Variants in LRRC52 observed in about 807,000 individuals in gnomAD.
The protein encoded by LRRC52 is leucine-rich repeat-containing protein 52.
A neutral mutation model predicts 14.7 loss-of-function variants in LRRC52; 15 were observed. The ratio of observed to expected loss-of-function variants is 1.02; its 90% CI spans 0.68 to 1.58. The LOEUF (loss-of-function observed/expected upper bound fraction) is 1.58, where lower values mean the gene tolerates loss of function less well. Ranked by LOEUF, LRRC52 falls within the 40% of genes most tolerant of loss-of-function variation. The probability of loss-of-function intolerance (pLI) is 0.00; values close to 1 mark genes in which losing one functional copy is unlikely to be tolerated. For synonymous variants in LRRC52, 180 were observed against 163.9 expected, an observed-to-expected ratio of 1.10 and a Z score of -0.75; for missense variants, 400 against 387.7, an observed-to-expected ratio of 1.03 and a Z score of -0.27.
At chr1:165,545,949 G>A (rs959055309) in intron 1 of LRRC52, among the ~76,000 whole-genome samples, 7 of 152,156 alleles carry the variant, frequency 4.6e-5, no homozygotes, top group East Asian at 3.9e-4. Context: ...CTTTGAAAAC[G>A]TTTTCATAGA....
At chr1:165,545,112 G>T (rs998035448) in intron 1 of LRRC52, among the ~76,000 whole-genome samples, 194 bp downstream of exon 1, 4 of 152,258 alleles carry the variant, frequency 2.6e-5, no homozygotes, top group Non-Finnish European at 5.9e-5. Flanking sequence ...AATTCAAAGA[G>T]CTGAGTTCTG....
chr1:165,551,302 T>C (rs1571107313), intron 1 of LRRC52, among the ~76,000 whole-genome samples: 1 of 152,316 alleles, frequency 6.6e-6, no homozygotes, highest in East Asian at 1.9e-4. Context: ...TCCTATGCCC[T>C]GAGGTTCTGA....
At chr1:165,552,905 G>A (rs1168503468) in intron 1 of LRRC52, among the ~76,000 whole-genome samples, 1 of 152,176 alleles carries the variant, frequency 6.6e-6, no homozygotes, top group Non-Finnish European at 1.5e-5. Context: ...CTTGGACAGT[G>A]TGGGGGCTTT....
rs371463743 is a variant in LRRC52 at position 165,551,907 on chromosome 1, C to T, written c.622+6989C>T. ...TTTCCGGAATGAATTCAGGTCCTCACGTTATTCCACTATCAATGCTTACCC... is the reference window on the plus strand; with the variant it reads ...TTTCCGGAATGAATTCAGGTCCTCATGTTATTCCACTATCAATGCTTACCC... On this transcript the variant is annotated intron_variant, in intron 1 of 1. Coordinates refer to ENST00000294818, the MANE Select transcript of LRRC52 (RefSeq NM_001005214.4). Among the ~76,000 whole-genome samples, 15 of 151,046 alleles carry T rather than the reference C, an allele frequency of 9.9e-5. No homozygotes were observed. In the East Asian group the frequency reaches 2.0e-3, roughly 20 times the overall value.
chr1:165,544,737 C>A lies in LRRC52; in HGVS notation c.441C>A (p.Ala147=), dbSNP rs1173936692. 2 of 1,614,014 alleles carry A rather than the reference C, an allele frequency of 1.2e-6. No individual in the cohort carries two copies. The highest frequency in any genetic ancestry group is 2.2e-5 in the South Asian group (2 of 91,062). The stretch of plus-strand genomic sequence containing the variant: ...TATCGCTTCACAAGTTCACCTTTGC[C>A]AACACCACCTCTTTGAGGTACCTGG... ...HLLSLHKFTF[A]NTTSLRYLDL... The change falls in exon 1 of 2, where the codon GCC becomes GCA. Residue 147 remains alanine (A), a synonymous_variant. Transcript: ENST00000294818.
chr1:165,560,841 G>A (rs2459239), intron 1 of LRRC52, among the ~76,000 whole-genome samples: 1 of 152,136 alleles, frequency 6.6e-6, no homozygotes, highest in African/African-American at 2.4e-5. Flanking sequence ...TGAGAAGGAG[G>A]GAAGGGGAGA....
At chr1:165,547,874 G>C (rs1344204575) in intron 1 of LRRC52, among the ~76,000 whole-genome samples, 1 of 152,092 alleles carries the variant, frequency 6.6e-6, no homozygotes, top group African/African-American at 2.4e-5. Flanking sequence ...TTGCCTTCTA[G>C]CCAAACCTCA....
rs74120746 is a variant in LRRC52, at chr1:165,548,473, C to A, written c.622+3555C>A. Among the ~76,000 whole-genome samples the A allele has an allele frequency of 6.5e-3, 990 of 152,276 alleles. 3 individuals are homozygous for A. The highest frequency in any genetic ancestry group is 0.022 in the African/African-American group (926 of 41,544). On this transcript the variant is annotated intron_variant, in intron 1 of 1. Coordinates refer to ENST00000294818, the MANE Select transcript of LRRC52 (RefSeq NM_001005214.4). ...CATAGTTTAGTTGTGCATAACAGAA[C>A]AAAACAGGGCAGGACAAACGAGGCC...
intron 1 of LRRC52, among the ~76,000 whole-genome samples, chr1:165,555,842 G>A (rs1377571700): frequency 1.3e-5 from 2 of 152,242 alleles, no homozygotes; most frequent in Non-Finnish European, 2.9e-5. Context: ...TTTCACAATG[G>A]TTTGTTATCC....
intron 1 of LRRC52, 94 bp from the exon 2 acceptor site, chr1:165,563,411 G>A: frequency 9.2e-7 from 1 of 1,081,384 alleles, no homozygotes; most frequent in Non-Finnish European, 1.3e-6. Context: ...TTGGAGCACT[G>A]AGGGTGCAGA....
chr1:165,553,487 T>C (rs143222068), intron 1 of LRRC52, among the ~76,000 whole-genome samples: 1 of 152,176 alleles, frequency 6.6e-6, no homozygotes, highest in Non-Finnish European at 1.5e-5. Context: ...AGCATGGCTG[T>C]GGACTGAAGG....
intron 1 of LRRC52, among the ~76,000 whole-genome samples, chr1:165,547,284 TAAG>T (rs1164045714): frequency 6.6e-6 from 1 of 152,244 alleles, no homozygotes; most frequent in African/African-American, 2.4e-5. Flanking sequence ...TATCATCCTG[TAAG>T]TGAGTTTAGT....
At chr1:165,548,660 A>T (rs1367226877) in intron 1 of LRRC52, among the ~76,000 whole-genome samples, 1 of 152,232 alleles carries the variant, frequency 6.6e-6, no homozygotes, top group Non-Finnish European at 1.5e-5. Context: ...TATCTGCAGG[A>T]TATAAGATAA....
Position 165,544,202 on chromosome 1 carries a change from A to C in LRRC52, c.-95A>C, listed in dbSNP as rs285446. 0.95 allele frequency: 440,756 copies of C among 464,862 alleles called. 210,045 individuals are homozygous for C. Among genetic ancestry groups the C allele is most frequent in the East Asian group, 1 (18,107 of 18,116 alleles). The allele number at this position is 464,862 out of a possible 1,614,324, so 28.8% of individuals were successfully genotyped here. A position where few individuals can be genotyped will look rare whatever the true frequency, so the allele number is the denominator to read the frequency against. On this transcript the variant is annotated 5_prime_UTR_variant, in exon 1 of 2. Transcript: ENST00000294818. ...GCTAAAGTGTTACAGTTCTTTCCAG[A>C]GCCCCTCCCCCGCCCCACCCCCCCA...
In LRRC52 at chr1:165,544,925, G is replaced by T. The variant is rs1239731573; in HGVS notation, c.622+7G>T. 6.2e-7 allele frequency: 1 copy of T among 1,611,500 alleles called. No individual in the cohort carries two copies. Among genetic ancestry groups the T allele is most frequent in the Non-Finnish European group, 8.5e-7 (1 of 1,177,936 alleles). ...TTCCATATGGACCCCTCAGGTGAGG[G>T]CTTGATTGGGTGTGGGGAAGAGGAT... On this transcript the variant is annotated splice_region_variant and intron_variant, in intron 1 of 1. Transcript: ENST00000294818.
intron 1 of LRRC52, among the ~76,000 whole-genome samples, chr1:165,553,437 A>G (rs1350689401): frequency 6.6e-6 from 1 of 152,236 alleles, no homozygotes; most frequent in East Asian, 1.9e-4. Flanking sequence ...TGAACATAAA[A>G]GGTGTGAAGG....
At chr1:165,552,576 TGAG>T in intron 1 of LRRC52, among the ~76,000 whole-genome samples, 1 of 152,096 alleles carries the variant, frequency 6.6e-6, no homozygotes, top group Admixed American at 6.5e-5. Flanking sequence ...ATGGCAACAG[TGAG>T]GAGGAGAGGT....
At position 165,544,230 on chromosome 1, in the gene LRRC52, G is replaced by A. The variant is rs574523821; in HGVS notation, c.-67G>A. On this transcript the variant is annotated 5_prime_UTR_variant, in exon 1 of 2. Coordinates refer to ENST00000294818, the MANE Select transcript of LRRC52 (RefSeq NM_001005214.4). ...CCCTCCCCCGCCCCACCCCCCCACC[G>A]GCAGCCTTCGGATCAGAGGACAGAG... The A allele has an allele frequency of 1.4e-4, 64 of 448,230 alleles. No homozygotes were observed. Among genetic ancestry groups the A allele is most frequent in the African/African-American group, 1.4e-3 (58 of 42,714 alleles). The allele number at this position is 448,230 out of a possible 1,614,324, so 27.8% of individuals were successfully genotyped here.
intron 1 of LRRC52, among the ~76,000 whole-genome samples, chr1:165,562,491 G>A (rs943447564): frequency 6.6e-6 from 1 of 152,126 alleles, no homozygotes; most frequent in African/African-American, 2.4e-5. Flanking sequence ...TTCCGTGCTT[G>A]AGGCACAATC....
Sources: gnomAD v4.1 joint callset for allele counts (sites outside exome capture counted in the v4.1 genomes callset) on GRCh38, gnomAD v4.1.1 for gene constraint, MANE v1.5 for transcripts, NCBI Gene and HGNC (gene_info 2026-07-23, HGNC 2026-07-21) for gene names.